Variants in CCDC154 observed in about 807,000 individuals in gnomAD.
CCDC154 encodes coiled-coil domain-containing protein 154.
Under a neutral mutation model 87.5 loss-of-function variants are expected in CCDC154, and 91 were observed. That is an observed-to-expected ratio of 1.04 (90% CI 0.88 to 1.24). The LOEUF (loss-of-function observed/expected upper bound fraction) is 1.24, where lower values mean the gene tolerates loss of function less well. Among genes scored for constraint, CCDC154 ranks in the 50% most tolerant of loss-of-function variants. CCDC154 has a pLI of 0.00. For missense variants in CCDC154, 903 were observed against 879.2 expected (o/e 1.03, Z -0.34); for synonymous variants, 418 against 400.4 (o/e 1.04, Z -0.52).
At position 1,443,920 on chromosome 16, in the gene CCDC154, GGCCTCCTGCCAGGAGGA is replaced by G. The variant is rs2038584472; in HGVS notation, c.83_99del (p.Leu28ProfsTer17). 7.7e-7 allele frequency: 1 copy of G among 1,304,036 alleles called. No homozygotes were observed. The highest frequency in any genetic ancestry group is 2.3e-5 in the Admixed American group (1 of 43,582). 80.8% of individuals were successfully genotyped at this position (1,304,036 alleles called of 1,614,324 possible). A position where few individuals can be genotyped will look rare whatever the true frequency, so the allele number is the denominator to read the frequency against. On this transcript the variant is annotated frameshift_variant, in exon 2 of 17. Transcript: ENST00000389176. LOFTEE classifies it high-confidence loss of function. ...AGGCTCAAGGGCTCGGGGCTGGCCA[GGCCTCCTGCCAGGAGGA>G]GCCCCAGGTCTTCCAGGGTGACGGC...
chr16:1,436,735 T>A lies in CCDC154; in HGVS notation c.1367A>T (p.His456Leu). 1 of 1,550,398 alleles carries A rather than the reference T, an allele frequency of 6.4e-7. No individual in the cohort carries two copies. The highest frequency in any genetic ancestry group is 1.2e-5 in the South Asian group (1 of 84,064). Residue 456 changes from histidine (H) to leucine (L), a missense_variant, in exon 12 of 17, where the codon CAC becomes CTC. His to Leu is a moderately conservative substitution (Grantham distance 99). Transcript: ENST00000389176. ...LARWRKEVTE[H>L]LRGVREKVDG... is the part of the protein sequence containing the mutation. The stretch of plus-strand genomic sequence containing the variant: ...CACCTTCTCCCGCACCCCTCGCAGG[T>A]GTTCGGTCACCTCCTTCCGCCACCT...
intron 13 of CCDC154, 82 bp downstream of exon 13, chr16:1,436,363 G>A (rs2038501837): frequency 1.7e-6 from 2 of 1,204,220 alleles, no homozygotes; most frequent in Admixed American, 4.0e-5. Flanking sequence ...CCAGGGGATT[G>A]TGGAGAGTAG....
chr16:1,440,147 A>G (rs866210606), intron 6 of CCDC154, among the ~76,000 whole-genome samples: 23,390 of 93,906 alleles, frequency 0.25, 2,262 homozygotes, highest in Middle Eastern at 0.4. Flanking sequence ...GACTGTCAGA[A>G]AAAAAAAAAA....
At position 1,444,338 on chromosome 16, in the gene CCDC154, C is replaced by T. The variant is rs1184404005; in HGVS notation, c.-16G>A. The T allele has an allele frequency of 7.7e-7, 1 of 1,301,566 alleles. No individual in the cohort carries two copies. The highest frequency in any genetic ancestry group is 1.0e-6 in the Non-Finnish European group (1 of 988,818). The allele number at this position is 1,301,566 out of a possible 1,614,324, so 80.6% of individuals were successfully genotyped here. ...CACCTGACATGGCTGCTGGGCTGCA[C>T]CGGCCACCCTGCCCTCGGCTGTAGC... On this transcript the variant is annotated 5_prime_UTR_variant, in exon 1 of 17. The change creates a new upstream start codon in the 5' untranslated region. Transcript: ENST00000389176.
At chr16:1,436,400 G>T (rs541611072) in intron 13 of CCDC154, 45 bp downstream of exon 13, 4 of 1,466,562 alleles carry the variant, frequency 2.7e-6, no homozygotes, top group South Asian at 1.2e-5. Context: ...GCCCAGTAAC[G>T]GTCAGCAGAG....
rs377335158 is a variant in CCDC154 at position 1,437,188 on chromosome 16, G to A, written c.1291-377C>T. 9 of 273,486 alleles carry A rather than the reference G, an allele frequency of 3.3e-5. 1 individual carries two copies. The highest frequency in any genetic ancestry group is 3.2e-4 in the South Asian group (7 of 21,816). 16.9% of individuals were successfully genotyped at this position (273,486 alleles called of 1,614,324 possible). On this transcript the variant is annotated intron_variant, in intron 11 of 16. Coordinates refer to ENST00000389176, the MANE Select transcript of CCDC154 (RefSeq NM_001143980.3). The stretch of plus-strand genomic sequence containing the variant: ...GCGCCTACGCAATGCACGTTACGCC[G>A]CGGTGGAAGGGGTGAAGCTCTGCGC...
chr16:1,439,817 T>A (rs974747618), intron 6 of CCDC154, among the ~76,000 whole-genome samples: 1 of 152,060 alleles, frequency 6.6e-6, no homozygotes, highest in Admixed American at 6.6e-5. Flanking sequence ...ACAGTAGACA[T>A]TGACAACATG....
At position 1,436,514 on chromosome 16, in the gene CCDC154, C is replaced by T; in HGVS notation, c.1418G>A (p.Ser473Asn). 1.9e-6 allele frequency: 3 copies of T among 1,548,932 alleles called. No homozygotes were observed. The highest frequency in any genetic ancestry group is 1.7e-6 in the Non-Finnish European group (2 of 1,146,914). ...ATGAAGCAGGCACTTGTCGGAGACA[C>T]TCTCTATCTGAACACAGAGCCGGGA... ...KVDGLPQQIESVSDKCLLHKS... is the reference protein window; with the variant it reads ...KVDGLPQQIENVSDKCLLHKS... Residue 473 changes from serine to asparagine, a missense_variant, in exon 13 of 17, where the codon AGT becomes AAT. Coordinates refer to ENST00000389176, the MANE Select transcript of CCDC154 (RefSeq NM_001143980.3).
rs754850243 is a variant in CCDC154, at chr16:1,442,874, G to A, written c.551+6C>T. Reference sequence around the variant, plus strand: ...CCGGAGCCAGCCACGGGCGGTGGGCGCCCACCTGAGGCCGGCCTCTTGCTC... The same window carrying A: ...CCGGAGCCAGCCACGGGCGGTGGGCACCCACCTGAGGCCGGCCTCTTGCTC... On this transcript the variant is annotated splice_donor_region_variant and intron_variant, in intron 5 of 16. Coordinates refer to ENST00000389176, the MANE Select transcript of CCDC154 (RefSeq NM_001143980.3). 6.7e-5 allele frequency: 103 copies of A among 1,548,066 alleles called. No individual in the cohort carries two copies. In the African/African-American group the frequency reaches 1.1e-3, roughly 16 times the overall value.
Position 1,436,491 on chromosome 16 carries a change from G to A in CCDC154, c.1441C>T (p.His481Tyr). The change falls in exon 13 of 17, where the codon CAT (histidine) becomes TAT (tyrosine). Residue 481 changes from histidine to tyrosine, a missense_variant. Transcript: ENST00000389176. ...IESVSDKCLL[H>Y]KSDSDLRISA... ...ATCCTGAGGTCTGAGTCGCTCTTAT[G>A]AAGCAGGCACTTGTCGGAGACACTC... The A allele has an allele frequency of 6.5e-7, 1 of 1,549,102 alleles. No homozygotes were observed. Among genetic ancestry groups the A allele is most frequent in the Admixed American group, 2.0e-5 (1 of 51,004 alleles).
intron 2 of CCDC154, 23 bp downstream of exon 2, chr16:1,443,773 C>A (rs1164607686): frequency 7.7e-7 from 1 of 1,305,150 alleles, no homozygotes. Context: ...TCCTCCCCCG[C>A]CAGCACCCCC....
intron 6 of CCDC154, among the ~76,000 whole-genome samples, chr16:1,440,209 G>A (rs2038538451): frequency 6.6e-6 from 1 of 150,946 alleles, no homozygotes; most frequent in African/African-American, 2.4e-5. Flanking sequence ...CAACACTTTG[G>A]GAGGCCGAGG....
At chr16:1,443,406 G>A (rs2038575102) in intron 3 of CCDC154, 100 bp downstream of exon 3, 2 of 1,454,210 alleles carry the variant, frequency 1.4e-6, no homozygotes, top group Admixed American at 2.7e-5. Context: ...GGAGCTCTGG[G>A]CCTGGGCAGC....
intron 14 of CCDC154, among the ~76,000 whole-genome samples, chr16:1,435,698 G>T (rs1040706720): frequency 6.6e-6 from 1 of 152,098 alleles, no homozygotes; most frequent in South Asian, 2.1e-4. Flanking sequence ...GCTAATTTTT[G>T]TATTTTTAGT....
Position 1,444,478 on chromosome 16 carries a change from C to A in CCDC154, c.-156G>T. 1 of 719,288 alleles carries A rather than the reference C, an allele frequency of 1.4e-6. No homozygotes were observed. Among genetic ancestry groups the A allele is most frequent in the Non-Finnish European group, 1.9e-6 (1 of 513,618 alleles). 44.6% of individuals were successfully genotyped at this position (719,288 alleles called of 1,614,324 possible). ...TTGAGGGACGAGCTGCTGCCCTCGT[C>A]TGGCTGCCTTCTCAGGGTCCCCAGG... On this transcript the variant is annotated 5_prime_UTR_variant, in exon 1 of 17. Transcript: ENST00000389176.
At chr16:1,435,372 G>T (rs565820508) in intron 14 of CCDC154, 197 bp from the exon 15 acceptor site, 1 of 612,984 alleles carries the variant, frequency 1.6e-6, no homozygotes, top group East Asian at 2.8e-5. Context: ...TGGCCCTGCG[G>T]GGACCTGGCC....
At position 1,442,404 on chromosome 16, in the gene CCDC154, A is replaced by G. The variant is rs1309327980; in HGVS notation, c.675+2T>C. 8 of 1,546,386 alleles carry G rather than the reference A, an allele frequency of 5.2e-6. No individual in the cohort carries two copies. The highest frequency in any genetic ancestry group is 2.0e-5 in the Admixed American group (1 of 50,414). On this transcript the variant is annotated splice_donor_variant, in intron 6 of 16. Transcript: ENST00000389176. LOFTEE classifies it high-confidence loss of function. ...CCCCCTGAAGCCTGGGCCTGGTGGT[A>G]CCTGCATTCTGGCCACCTCCAGGTC...
intron 2 of CCDC154, 27 bp downstream of exon 2, chr16:1,443,769 C>T: frequency 2.3e-6 from 3 of 1,304,544 alleles, no homozygotes; most frequent in South Asian, 1.2e-5. Flanking sequence ...GTGGTCCTCC[C>T]CCGCCAGCAC....
At position 1,439,090 on chromosome 16, in the gene CCDC154, G is replaced by A. The variant is rs949880058; in HGVS notation, c.712C>T (p.Arg238Cys). 6.5e-6 allele frequency: 10 copies of A among 1,550,094 alleles called. No individual in the cohort carries two copies. The highest frequency in any genetic ancestry group is 2.4e-5 in the East Asian group (1 of 40,924). ...VTKLGEEVSL[R>C]FLKREAKLCG... ...AGCTTGGCCTCCCTCTTCAGGAAGC[G>A]CAGGCTCACCTCTTCGCCGAGCTTG... is the stretch of plus-strand genomic sequence containing the variant. Residue 238 changes from arginine (R) to cysteine (C), a missense_variant, in exon 7 of 17, where the codon CGC (arginine) becomes TGC (cysteine). By Grantham distance (180) the Arg-to-Cys change is radical. Coordinates refer to ENST00000389176, the MANE Select transcript of CCDC154 (RefSeq NM_001143980.3).
Sources: allele counts gnomAD v4.1 joint callset (sites outside exome capture counted in the v4.1 genomes callset), GRCh38; gene constraint gnomAD v4.1.1; transcripts MANE v1.5; gene names NCBI Gene and HGNC (gene_info 2026-07-23, HGNC 2026-07-21).